The following ANO5 variants were observed in gnomAD, a reference collection of about 807,000 sequenced individuals.
ANO5 encodes the protein anoctamin-5.
A neutral mutation model predicts 121.0 loss-of-function variants in ANO5; 109 were observed. That is an observed-to-expected ratio of 0.90 (90% CI 0.77 to 1.06). The LOEUF (loss-of-function observed/expected upper bound fraction) is 1.06. Ranked by LOEUF, ANO5 falls within the 50% of genes least tolerant of loss-of-function variation. The pLI is 0.00. For missense variants in ANO5, 1,064 were observed against 1,078.5 expected, an observed-to-expected ratio of 0.99 and a Z score of 0.19; for synonymous variants, 406 against 359.9, an observed-to-expected ratio of 1.13 and a Z score of -1.45.
rs1190643138 is a variant in ANO5 at position 22,262,318 on chromosome 11, T to C, written c.1800+20T>C. On this transcript the variant is annotated intron_variant, in intron 16 of 21. Coordinates refer to ENST00000324559, the MANE Select transcript of ANO5 (RefSeq NM_213599.3). Reference sequence around the variant, plus strand: ...GAAGAGGTAAGAATTTCCTTGAGAGTTGAGGTGTGTAGCTTCAATACCTCA... The same window carrying C: ...GAAGAGGTAAGAATTTCCTTGAGAGCTGAGGTGTGTAGCTTCAATACCTCA... The C allele has an allele frequency of 1.2e-6, 2 of 1,611,706 alleles. No homozygotes were observed. The highest frequency in any genetic ancestry group is 1.3e-5 in the African/African-American group (1 of 74,980).
chr11:22,277,027 A>AAGGG (rs1309729816), intron 21 of ANO5, among the ~76,000 whole-genome samples: 1 of 151,550 alleles, frequency 6.6e-6, no homozygotes, highest in Non-Finnish European at 1.5e-5. Context: ...GCCTACCCTA[A>AAGGG]AATCCTAATA....
intron 17 of ANO5, 24 bp downstream of exon 17, chr11:22,263,067 T>C: frequency 6.4e-7 from 1 of 1,559,320 alleles, no homozygotes; most frequent in Non-Finnish European, 8.8e-7. Context: ...ACAAGCTTTT[T>C]ATTTGATTTA....
intron 4 of ANO5, 60 bp from the exon 5 acceptor site, chr11:22,221,037 G>T (rs1590236162): frequency 8.2e-7 from 1 of 1,220,700 alleles, no homozygotes; most frequent in Non-Finnish European, 1.2e-6. Flanking sequence ...TTCCTTTTGT[G>T]CTTTTGCCAT....
chr11:22,276,072 T>G, intron 20 of ANO5, 22 bp from the exon 21 acceptor site: 2 of 1,359,908 alleles, frequency 1.5e-6, no homozygotes, highest in Non-Finnish European at 2.1e-6. Context: ...TTTTTTTTTT[T>G]GCATTTACTT....
At chr11:22,220,628 T>C (rs1164180084) in intron 4 of ANO5, among the ~76,000 whole-genome samples, 4 of 151,958 alleles carry the variant, frequency 2.6e-5, no homozygotes, top group Non-Finnish European at 4.4e-5. Flanking sequence ...CCTTACAAAG[T>C]TGAATTAGGA....
chr11:22,250,593 C>A, intron 10 of ANO5, 148 bp from the exon 11 acceptor site: 1 of 1,016,758 alleles, frequency 9.8e-7, no homozygotes, highest in Non-Finnish European at 1.5e-6. Flanking sequence ...CTCCTCAAAG[C>A]ATGACTTGAC....
chr11:22,275,056 C>T (rs1854784856), intron 20 of ANO5, among the ~76,000 whole-genome samples: 1 of 151,892 alleles, frequency 6.6e-6, no homozygotes, highest in African/African-American at 2.4e-5. Context: ...CCAACAAGTG[C>T]CCCTTAGTCC....
At chr11:22,267,041 A>G (rs942409836) in intron 17 of ANO5, among the ~76,000 whole-genome samples, 3 of 152,168 alleles carry the variant, frequency 2.0e-5, no homozygotes. Flanking sequence ...ATTTTTAAAG[A>G]ATTGTTTAAG....
chr11:22,270,327 G>T lies in ANO5; in HGVS notation c.1914G>T (p.Trp638Cys). 6.2e-7 allele frequency: 1 copy of T among 1,614,100 alleles called. No individual in the cohort carries two copies. Among genetic ancestry groups the T allele is most frequent in the Non-Finnish European group, 8.5e-7 (1 of 1,180,020 alleles). ...CTTCCAACAGCTTGGCTTTGAATTG[G>T]TGGAGACGCCGAAAAGCTCGGACAA... ...KEAIYPLALN[W>C]WRRRKARTNS... Residue 638 changes from tryptophan (W) to cysteine (C), a missense_variant, in exon 18 of 22, where the codon TGG becomes TGT. Trp to Cys is a radical substitution (Grantham distance 215). Coordinates refer to ENST00000324559, the MANE Select transcript of ANO5 (RefSeq NM_213599.3).
intron 5 of ANO5, among the ~76,000 whole-genome samples, chr11:22,224,783 A>C (rs1345593568): frequency 1.3e-5 from 2 of 152,130 alleles, no homozygotes; most frequent in Non-Finnish European, 2.9e-5. Context: ...GAATAGATAA[A>C]GAAAACGTGG....
rs1021140192 is a variant in ANO5 at position 22,250,370 on chromosome 11, A to G, written c.1012A>G (p.Ser338Gly). 1.2e-6 allele frequency: 2 copies of G among 1,613,508 alleles called. No individual in the cohort carries two copies. The highest frequency in any genetic ancestry group is 1.7e-6 in the Non-Finnish European group (2 of 1,179,684). ...ATTATCAATGGAACATAACACAAGC[A>G]GGTAAGTGCACCTGAGTTGCCCAGA... is the stretch of plus-strand genomic sequence containing the variant. ...GLLSMEHNTS[S>G]TEICDPEIGG... Residue 338 changes from serine to glycine, a missense_variant and splice_region_variant, in exon 10 of 22, where the codon AGC becomes GGC. Ser to Gly is a moderately conservative substitution (Grantham distance 56, BLOSUM62 0). Transcript: ENST00000324559.
intron 5 of ANO5, among the ~76,000 whole-genome samples, chr11:22,223,379 C>A (rs984498196): frequency 1.3e-4 from 20 of 152,022 alleles, no homozygotes; most frequent in African/African-American, 4.8e-4. Flanking sequence ...TTTCCAGCAA[C>A]AATGTATGAA....
At chr11:22,195,433 T>TA (rs1851779540) in intron 1 of ANO5, among the ~76,000 whole-genome samples, 1 of 152,060 alleles carries the variant, frequency 6.6e-6, no homozygotes, top group African/African-American at 2.4e-5. Flanking sequence ...ATTTTTTTTT[T>TA]TTTTTTATTT....
At chr11:22,267,945 C>A in intron 17 of ANO5, among the ~76,000 whole-genome samples, 1 of 152,152 alleles carries the variant, frequency 6.6e-6, no homozygotes, top group East Asian at 1.9e-4. Context: ...TGATCTTGTT[C>A]TTTTCTATGG....
At chr11:22,210,331 C>G (rs188174243) in intron 2 of ANO5, among the ~76,000 whole-genome samples, 2 of 151,864 alleles carry the variant, frequency 1.3e-5, no homozygotes, top group Admixed American at 6.6e-5. Flanking sequence ...GTGGCACATT[C>G]TGTTACTTTA....
intron 15 of ANO5, among the ~76,000 whole-genome samples, chr11:22,261,839 T>C (rs1259896380): frequency 6.6e-6 from 1 of 152,198 alleles, no homozygotes; most frequent in East Asian, 1.9e-4. Context: ...AACCATATCA[T>C]GTGGGTTTGA....
In ANO5 at chr11:22,259,503, T is replaced by C; in HGVS notation, c.1408-16T>C. On this transcript the variant is annotated splice_polypyrimidine_tract_variant and intron_variant, in intron 14 of 21. Transcript: ENST00000324559. ...TACAGAGACCCAAATAGCAGTTCTT[T>C]GTTTTCCTTTCCCAGATGTCTCTTG... The C allele has an allele frequency of 6.2e-7, 1 of 1,608,226 alleles. No homozygotes were observed. The highest frequency in any genetic ancestry group is 1.7e-4 in the Middle Eastern group (1 of 6,040).
At position 22,207,888 on chromosome 11, in the gene ANO5, A is replaced by G. The variant is rs1264098375; in HGVS notation, c.88-3376A>G. Reference sequence around the variant, plus strand: ...GGCAAAATACATATTGAGATCTTTCACTAAAGAGGAAATATGATGGCAAAT... The same window carrying G: ...GGCAAAATACATATTGAGATCTTTCGCTAAAGAGGAAATATGATGGCAAAT... On this transcript the variant is annotated intron_variant, in intron 2 of 21. Transcript: ENST00000324559. Among the ~76,000 whole-genome samples, 4 of 152,110 alleles carry G rather than the reference A, an allele frequency of 2.6e-5. No individual in the cohort carries two copies. In the South Asian group the frequency reaches 8.3e-4, roughly 31 times the overall value.
intron 12 of ANO5, among the ~76,000 whole-genome samples, chr11:22,252,135 C>T (rs1222621061): frequency 6.7e-6 from 1 of 148,200 alleles, no homozygotes; most frequent in East Asian, 2.0e-4. Flanking sequence ...GGATTTATGG[C>T]TTTCTCTCAT....
Sources: allele counts gnomAD v4.1 joint callset (sites outside exome capture counted in the v4.1 genomes callset), GRCh38; gene constraint gnomAD v4.1.1; transcripts MANE v1.5; gene names NCBI Gene and HGNC (gene_info 2026-07-23, HGNC 2026-07-21).